Variants in KIF21A observed in about 807,000 individuals in gnomAD.
KIF21A encodes the protein kinesin-like protein KIF21A.
KIF21A carries 114 observed loss-of-function variants against 202.9 expected under a neutral mutation model. The observed-to-expected ratio is 0.56, with a 90% confidence interval of 0.48 to 0.66. KIF21A has a LOEUF of 0.66. Ranked by LOEUF, KIF21A falls within the 30% of genes least tolerant of loss-of-function variation. KIF21A has a pLI of 0.00. For synonymous variants in KIF21A, 667 were observed against 670.8 expected (o/e 0.99, Z 0.09); for missense variants, 1,677 against 1,994.9 (o/e 0.84, Z 3.04).
intron 1 of KIF21A, among the ~76,000 whole-genome samples, chr12:39,382,235 A>T (rs1950659186): frequency 1.3e-5 from 2 of 152,316 alleles, no homozygotes; most frequent in Admixed American, 6.5e-5. Flanking sequence ...TTCACTTAAA[A>T]CACAGAAGAT....
At chr12:39,396,738 T>C (rs1951787276) in intron 1 of KIF21A, among the ~76,000 whole-genome samples, 1 of 152,198 alleles carries the variant, frequency 6.6e-6, no homozygotes, top group South Asian at 2.1e-4. Context: ...GTAATGTCTT[T>C]GGGTAGACAT....
intron 16 of KIF21A, among the ~76,000 whole-genome samples, chr12:39,338,092 A>G (rs998788569): frequency 3.3e-5 from 5 of 152,196 alleles, no homozygotes; most frequent in African/African-American, 1.2e-4. Context: ...CATTGTTATC[A>G]TAGGAGATGA....
intron 1 of KIF21A, among the ~76,000 whole-genome samples, chr12:39,437,226 TA>T (rs1316200441): frequency 6.6e-6 from 1 of 152,212 alleles, no homozygotes; most frequent in African/African-American, 2.4e-5. Flanking sequence ...CATCATTCAC[TA>T]CCCCATAATT....
chr12:39,403,318 T>TA (rs1952321713), intron 1 of KIF21A, among the ~76,000 whole-genome samples: 1 of 152,180 alleles, frequency 6.6e-6, no homozygotes. Context: ...GTTTACTGTC[T>TA]AAAAATGCCA....
chr12:39,419,528 G>A (rs553082359), intron 1 of KIF21A, among the ~76,000 whole-genome samples: 2 of 152,078 alleles, frequency 1.3e-5, no homozygotes, highest in African/African-American at 2.4e-5. Context: ...TAAAATACTC[G>A]CATTTACGTC....
intron 1 of KIF21A, among the ~76,000 whole-genome samples, chr12:39,389,180 A>G (rs1269813355): frequency 1.3e-5 from 1 of 74,380 alleles, no homozygotes; most frequent in Non-Finnish European, 2.3e-5. Flanking sequence ...AAATACACAT[A>G]CACACACACA....
intron 37 of KIF21A, among the ~76,000 whole-genome samples, chr12:39,295,324 A>G (rs1197104236): frequency 1.3e-5 from 2 of 152,230 alleles, no homozygotes; most frequent in East Asian, 3.8e-4. Flanking sequence ...TTCTTAACAT[A>G]TCTCTCATGG....
In KIF21A at chr12:39,416,655, A is replaced by ATGTG. The variant is rs796770722; in HGVS notation, c.44+26268_44+26271dup. Among the ~76,000 whole-genome samples, 16 of 103,196 alleles carry ATGTG rather than the reference A, an allele frequency of 1.6e-4. 1 individual carries two copies. Among genetic ancestry groups the ATGTG allele is most frequent in the South Asian group, 1.1e-3 (3 of 2,750 alleles). 67.7% of individuals were successfully genotyped at this position (103,196 alleles called of 152,430 possible). A position where few individuals can be genotyped will look rare whatever the true frequency, so the allele number is the denominator to read the frequency against. ...TGTATATATATATATGTACATATATATGTGTATATATATATGTACATATAT... is the reference window on the plus strand; with the variant it reads ...TGTATATATATATATGTACATATATATGTGTGTGTATATATATATGTACATATAT... On this transcript the variant is annotated intron_variant, in intron 1 of 37. Transcript: ENST00000361418.
intron 1 of KIF21A, among the ~76,000 whole-genome samples, chr12:39,428,956 C>CA (rs931501673): frequency 0.061 from 4,007 of 65,282 alleles, 56 homozygotes; most frequent in Middle Eastern, 0.17. Context: ...GACTCCGTCT[C>CA]AAAAAAAAAA....
intron 6 of KIF21A, 39 bp downstream of exon 6, chr12:39,366,311 A>C (rs758265700): frequency 6.4e-7 from 1 of 1,562,176 alleles, no homozygotes; most frequent in South Asian, 1.1e-5. Context: ...GACAATAGAA[A>C]AGCTCTGATA....
At chr12:39,367,340 G>A (rs1051698618) in intron 4 of KIF21A, among the ~76,000 whole-genome samples, 176 bp from the exon 5 acceptor site, 1 of 152,140 alleles carries the variant, frequency 6.6e-6, no homozygotes, top group African/African-American at 2.4e-5. Context: ...GTATAATAGT[G>A]TATTATTTTT....
chr12:39,337,284 T>C (rs1200425043), intron 16 of KIF21A, 81 bp from the exon 17 acceptor site: 5 of 889,844 alleles, frequency 5.6e-6, no homozygotes, highest in Admixed American at 1.8e-5. Flanking sequence ...GGAAGTAAGT[T>C]CTTAGAATTC....
intron 3 of KIF21A, among the ~76,000 whole-genome samples, chr12:39,369,391 C>T (rs989523354): frequency 5.3e-5 from 8 of 152,074 alleles, no homozygotes; most frequent in African/African-American, 1.9e-4. Flanking sequence ...ACCCAGGAGG[C>T]AGGGGCTGCA....
intron 7 of KIF21A, among the ~76,000 whole-genome samples, chr12:39,359,520 T>C (rs575744377): frequency 2.0e-4 from 31 of 152,310 alleles, no homozygotes; most frequent in South Asian, 6.2e-4. Flanking sequence ...CATTAACAAT[T>C]GTGATGTGTG....
chr12:39,352,175 T>C (rs1948440951), intron 10 of KIF21A, among the ~76,000 whole-genome samples, 195 bp from the exon 11 acceptor site: 1 of 152,042 alleles, frequency 6.6e-6, no homozygotes, highest in South Asian at 2.1e-4. Context: ...TCTATACCCA[T>C]GAAATATTAA....
chr12:39,297,225 T>A (rs986041892), intron 37 of KIF21A, among the ~76,000 whole-genome samples: 4 of 152,268 alleles, frequency 2.6e-5, no homozygotes, highest in Admixed American at 1.3e-4. Context: ...GGAGCAGCCA[T>A]CCCATTACTG....
intron 1 of KIF21A, among the ~76,000 whole-genome samples, chr12:39,381,087 C>T (rs146729712): frequency 0.044 from 6,629 of 151,928 alleles, 162 homozygotes; most frequent in African/African-American, 0.066. Context: ...GGGTGGATCA[C>T]GAGGTCAGGA....
intron 17 of KIF21A, among the ~76,000 whole-genome samples, chr12:39,333,887 T>A (rs913539715): frequency 1.4e-4 from 20 of 147,218 alleles, no homozygotes; most frequent in Non-Finnish European, 2.0e-4. Flanking sequence ...GCATATAATT[T>A]AAAAAAAAAA....
intron 1 of KIF21A, among the ~76,000 whole-genome samples, chr12:39,409,458 G>A (rs768976805): frequency 1.3e-5 from 2 of 151,212 alleles, no homozygotes; most frequent in Non-Finnish European, 2.9e-5. Flanking sequence ...GGGAGGCTGA[G>A]GCTGCAGTGA....
Sources: allele counts gnomAD v4.1 joint callset (sites outside exome capture counted in the v4.1 genomes callset), GRCh38; gene constraint gnomAD v4.1.1; transcripts MANE v1.5; gene names NCBI Gene and HGNC (gene_info 2026-07-23, HGNC 2026-07-21).